CACUL1: variants seen among roughly 807,000 people sequenced by gnomAD.
CACUL1 encodes the protein CDK2-associated and cullin domain-containing protein 1.
A neutral mutation model predicts 45.2 loss-of-function variants in CACUL1; 13 were observed. The observed-to-expected ratio is 0.29, with a 90% CI of 0.19 to 0.46. The LOEUF is 0.46. Ranked by LOEUF, CACUL1 falls within the 20% of genes least tolerant of loss-of-function variation. CACUL1 has a pLI of 1.00. For missense variants in CACUL1, 421 were observed against 471.4 expected (o/e 0.89, Z 0.99); for synonymous variants, 197 against 174.2 (o/e 1.13, Z -1.03).
In CACUL1 at chr10:118,707,480, GCT is replaced by G. The variant is rs538624546; in HGVS notation, c.693+10_693+11del. 311 of 1,247,622 alleles carry G rather than the reference GCT, an allele frequency of 2.5e-4. 1 individual carries two copies. The African/African-American group carries it at 2.6e-3, about 11-fold the overall frequency. The allele number at this position is 1,247,622 out of a possible 1,614,324, so 77.3% of individuals were successfully genotyped here. On this transcript the variant is annotated intron_variant, in intron 4 of 8. Transcript: ENST00000369151. The stretch of plus-strand genomic sequence containing the variant: ...CTAGGTATTTGGGAAGGAGGAAGGA[GCT>G]CTTACTTACCATATATATGAAAAGA...
intron 4 of CACUL1, among the ~76,000 whole-genome samples, chr10:118,706,694 C>T (rs1845435183): frequency 6.6e-6 from 1 of 152,140 alleles, no homozygotes; most frequent in African/African-American, 2.4e-5. Flanking sequence ...GACTAGAAAA[C>T]TCGTACTATT....
At chr10:118,736,101 T>C (rs551251053) in intron 1 of CACUL1, among the ~76,000 whole-genome samples, 1 of 152,276 alleles carries the variant, frequency 6.6e-6, no homozygotes. Flanking sequence ...CTTCCAAGTG[T>C]TGGACTCAGA....
intron 5 of CACUL1, among the ~76,000 whole-genome samples, chr10:118,699,766 C>T (rs939296275): frequency 1.3e-5 from 2 of 152,266 alleles, no homozygotes; most frequent in Admixed American, 6.5e-5. Context: ...CTGCCTCAGC[C>T]TCCCAAGTAG....
At chr10:118,703,203 A>G (rs1272305869) in intron 4 of CACUL1, among the ~76,000 whole-genome samples, 2 of 152,156 alleles carry the variant, frequency 1.3e-5, no homozygotes, top group Non-Finnish European at 2.9e-5. Flanking sequence ...GAAGTCTCTC[A>G]ATGCAGACCT....
intron 2 of CACUL1, 33 bp from the exon 3 acceptor site, chr10:118,729,430 G>A (rs1845679342): frequency 1.3e-6 from 2 of 1,499,424 alleles, no homozygotes; most frequent in African/African-American, 1.4e-5. Flanking sequence ...CACAAACCAA[G>A]TTAATCATAA....
chr10:118,726,844 A>G (rs1845656428), intron 3 of CACUL1, among the ~76,000 whole-genome samples: 1 of 152,156 alleles, frequency 6.6e-6, no homozygotes, highest in African/African-American at 2.4e-5. Context: ...ATATATTAGC[A>G]CGTTTAATAA....
At chr10:118,729,461 G>T (rs1469957427) in intron 2 of CACUL1, 64 bp from the exon 3 acceptor site, 1 of 1,122,178 alleles carries the variant, frequency 8.9e-7, no homozygotes, top group African/African-American at 1.5e-5. Flanking sequence ...TCAGTCCAAG[G>T]TTAAAGCACA....
chr10:118,705,245 T>A (rs1845422465), intron 4 of CACUL1, among the ~76,000 whole-genome samples: 2 of 152,350 alleles, frequency 1.3e-5, no homozygotes, highest in South Asian at 4.1e-4. Context: ...AATTTTTAAA[T>A]CAAAATTTAG....
At chr10:118,716,785 C>G (rs113337152) in intron 3 of CACUL1, among the ~76,000 whole-genome samples, 19,103 of 151,972 alleles carry the variant, frequency 0.13, 1,432 homozygotes, top group Admixed American at 0.26. Context: ...TGTATTTTTA[C>G]TAGAGACACG....
At chr10:118,752,827 C>G (rs551543469) in intron 1 of CACUL1, among the ~76,000 whole-genome samples, 7 of 152,296 alleles carry the variant, frequency 4.6e-5, no homozygotes, top group African/African-American at 1.4e-4. Flanking sequence ...TACTAGTTTT[C>G]TAAGAACTAT....
intron 3 of CACUL1, among the ~76,000 whole-genome samples, chr10:118,727,010 T>C (rs1039507608): frequency 6.6e-6 from 1 of 152,152 alleles, no homozygotes; most frequent in Non-Finnish European, 1.5e-5. Flanking sequence ...TAAGACCATA[T>C]TGCTGAACTC....
At chr10:118,719,358 A>G (rs1335735865) in intron 3 of CACUL1, among the ~76,000 whole-genome samples, 1 of 152,162 alleles carries the variant, frequency 6.6e-6, no homozygotes, top group Non-Finnish European at 1.5e-5. Flanking sequence ...CTGCCTTTAG[A>G]TGACTGACTA....
At chr10:118,710,869 A>AT (rs1845477968) in intron 3 of CACUL1, among the ~76,000 whole-genome samples, 1 of 152,224 alleles carries the variant, frequency 6.6e-6, no homozygotes, top group Non-Finnish European at 1.5e-5. Context: ...AGGCTGTATG[A>AT]CATTAGGGAA....
At chr10:118,724,290 G>T (rs1589613241) in intron 3 of CACUL1, among the ~76,000 whole-genome samples, 1 of 152,100 alleles carries the variant, frequency 6.6e-6, no homozygotes, top group African/African-American at 2.4e-5. Context: ...GTAGATAAAT[G>T]GCTCAAATGT....
intron 3 of CACUL1, among the ~76,000 whole-genome samples, chr10:118,726,553 T>A (rs984437224): frequency 6.6e-6 from 1 of 152,154 alleles, no homozygotes; most frequent in African/African-American, 2.4e-5. Flanking sequence ...ACAGAAGAAA[T>A]GCCAATAGTC....
rs1387832123 is a variant in CACUL1 at position 118,730,299 on chromosome 10, T to C, written c.479A>G (p.Tyr160Cys). The change falls in exon 2 of 9, where the codon TAT (tyrosine) becomes TGT (cysteine). Residue 160 changes from tyrosine to cysteine, a missense_variant. By Grantham distance (194) the Tyr-to-Cys change is radical (BLOSUM62 -2). Coordinates refer to ENST00000369151, the MANE Select transcript of CACUL1 (RefSeq NM_153810.5). The stretch of plus-strand genomic sequence containing the variant: ...CTTAACTTACCTGTATATCTGTTCA[T>C]AGGATATGGGGATATAGTCACCAGG... ...QSPGDYIPIS[Y>C]EQIYSCVYKC... 1 of 1,614,042 alleles carries C rather than the reference T, an allele frequency of 6.2e-7. No individual in the cohort carries two copies. The highest frequency in any genetic ancestry group is 8.5e-7 in the Non-Finnish European group (1 of 1,179,928).
In CACUL1 at chr10:118,678,476, T is replaced by G. The variant is rs1845118617; in HGVS notation, c.*7652A>C. 1 of 152,186 alleles carries G rather than the reference T, an allele frequency of 6.6e-6. No homozygotes were observed. Among genetic ancestry groups the G allele is most frequent in the African/African-American group, 2.4e-5 (1 of 41,440 alleles). The allele number at this position is 152,186 out of a possible 1,614,324, so 9.4% of individuals were successfully genotyped here. A position where few individuals can be genotyped will look rare whatever the true frequency, so the allele number is the denominator to read the frequency against. ...TATCCTTGGCCCTTTGCTCTTCCAT[T>G]TATATCGACGAATCAAATTGTCAGG... is the stretch of plus-strand genomic sequence containing the variant. On this transcript the variant is annotated 3_prime_UTR_variant, in exon 9 of 9. Transcript: ENST00000369151.
At position 118,707,559 on chromosome 10, in the gene CACUL1, C is replaced by T. The variant is rs1329364630; in HGVS notation, c.626G>A (p.Arg209Lys). 3 of 1,575,104 alleles carry T rather than the reference C, an allele frequency of 1.9e-6. No homozygotes were observed. Among genetic ancestry groups the T allele is most frequent in the East Asian group, 4.5e-5 (2 of 44,680 alleles). Residue 209 changes from arginine to lysine, a missense_variant, in exon 4 of 9, where the codon AGA becomes AAA. Around this residue, in one of 2 missense-constraint regions of CACUL1, gnomAD observed 208 missense variants for 298.4 expected, o/e 0.70. Coordinates refer to ENST00000369151, the MANE Select transcript of CACUL1 (RefSeq NM_153810.5). The part of the protein sequence containing the change: ...QASPPDLYIE[R>K]FNIALGQYMG... The stretch of plus-strand genomic sequence containing the variant: ...ATATTGTCCAAGAGCTATATTAAAT[C>T]TTTCAATATAGAGATCTGGAGGGCT...
intron 3 of CACUL1, among the ~76,000 whole-genome samples, chr10:118,708,147 C>CAAAAAAAAAAAAAAAAAAAA: frequency 9.6e-6 from 1 of 104,028 alleles, no homozygotes; most frequent in Non-Finnish European, 1.8e-5. Context: ...AACACTGTCT[C>CAAAAAAAAAAAAAAAAAAAA]AAAAAAAAAA....
Sources: allele counts gnomAD v4.1 joint callset (sites outside exome capture counted in the v4.1 genomes callset), GRCh38; gene constraint gnomAD v4.1.1; regional missense constraint gnomAD v4.1.1; transcripts MANE v1.5; gene names NCBI Gene and HGNC (gene_info 2026-07-23, HGNC 2026-07-21).